Variants in COL22A1 observed in about 807,000 individuals in gnomAD.
The protein encoded by COL22A1 is collagen alpha-1(XXII) chain.
A neutral mutation model predicts 248.9 loss-of-function variants in COL22A1; 221 were observed. The ratio of observed to expected loss-of-function variants is 0.89; its 90% CI spans 0.80 to 0.99. The LOEUF is 0.99. Among genes scored for constraint, COL22A1 ranks in the 50% least tolerant of loss-of-function variants. The pLI is 0.00. For missense variants in COL22A1, 2,240 were observed against 2,179.0 expected, an observed-to-expected ratio of 1.03 and a Z score of -0.56; for synonymous variants, 891 against 793.4, an observed-to-expected ratio of 1.12 and a Z score of -2.07.
chr8:138,739,825 C>T (rs1249778772), intron 22 of COL22A1, among the ~76,000 whole-genome samples: 1 of 151,938 alleles, frequency 6.6e-6, no homozygotes, highest in Non-Finnish European at 1.5e-5. Flanking sequence ...AGTGAGTGAG[C>T]CTGGTTTAGA....
intron 30 of COL22A1, among the ~76,000 whole-genome samples, chr8:138,714,840 C>T (rs1376046055): frequency 6.6e-6 from 1 of 152,144 alleles, no homozygotes; most frequent in African/African-American, 2.4e-5. Flanking sequence ...GTCAACCACA[C>T]AAGCAATGAC....
Position 138,700,650 on chromosome 8 carries a change from C to A in COL22A1, c.2560-506G>T, listed in dbSNP as rs142373228. Among the ~76,000 whole-genome samples, 33 of 152,286 alleles carry A rather than the reference C, an allele frequency of 2.2e-4. No individual in the cohort carries two copies. In the East Asian group the frequency reaches 6.4e-3, roughly 29 times the overall value. On this transcript the variant is annotated intron_variant, in intron 31 of 64. Transcript: ENST00000303045. ...GCTACAAAGACTCTGGCGGACTGGC[C>A]CCTGCAGGCTCCTTCAGCCTGGCCA...
chr8:138,719,990 C>A (rs1829747293), intron 27 of COL22A1, among the ~76,000 whole-genome samples: 1 of 152,164 alleles, frequency 6.6e-6, no homozygotes, highest in Non-Finnish European at 1.5e-5. Flanking sequence ...TGCACACACA[C>A]AAATGCACAC....
At chr8:138,884,250 G>A (rs1469458553) in intron 1 of COL22A1, among the ~76,000 whole-genome samples, 2 of 152,202 alleles carry the variant, frequency 1.3e-5, no homozygotes, top group African/African-American at 2.4e-5. Flanking sequence ...CTCAGCAGGG[G>A]GCTGGGACTC....
At chr8:138,719,489 TTCC>T (rs2131122733) in intron 27 of COL22A1, among the ~76,000 whole-genome samples, 1 of 152,328 alleles carries the variant, frequency 6.6e-6, no homozygotes, top group African/African-American at 2.4e-5. Context: ...GCAATACTCT[TTCC>T]ACAGTTTGAG....
intron 46 of COL22A1, among the ~76,000 whole-genome samples, chr8:138,648,910 T>C (rs1008060918): frequency 2.6e-5 from 4 of 152,246 alleles, no homozygotes; most frequent in Non-Finnish European, 5.9e-5. Flanking sequence ...ATGGACTTTA[T>C]CTGCTTAGCT....
intron 50 of COL22A1, among the ~76,000 whole-genome samples, chr8:138,629,186 T>C (rs1288427757): frequency 6.6e-6 from 1 of 151,946 alleles, no homozygotes; most frequent in Non-Finnish European, 1.5e-5. Context: ...ATATGGAGTC[T>C]CACTCTGTCG....
chr8:138,689,529 A>T (rs1241853561), intron 36 of COL22A1, among the ~76,000 whole-genome samples: 1 of 152,154 alleles, frequency 6.6e-6, no homozygotes, highest in Non-Finnish European at 1.5e-5. Context: ...CAGCCTGGCC[A>T]ACATGGTGAA....
At chr8:138,632,875 C>T (rs1820845180) in intron 49 of COL22A1, among the ~76,000 whole-genome samples, 2 of 152,104 alleles carry the variant, frequency 1.3e-5, no homozygotes, top group East Asian at 3.8e-4. Context: ...GATTTTTCCA[C>T]ATAACTTTGA....
chr8:138,754,404 C>T (rs1222353777), intron 21 of COL22A1, among the ~76,000 whole-genome samples: 2 of 152,174 alleles, frequency 1.3e-5, no homozygotes, highest in Non-Finnish European at 2.9e-5. Context: ...TCTAGTTTTA[C>T]CCCAGCAAAA....
At chr8:138,774,633 A>G (rs1309573099) in intron 16 of COL22A1, among the ~76,000 whole-genome samples, 3 of 152,174 alleles carry the variant, frequency 2.0e-5, no homozygotes, top group Admixed American at 6.5e-5. Flanking sequence ...TTAAGCCAGG[A>G]TGGTCTCAAT....
chr8:138,826,641 G>A lies in COL22A1; in HGVS notation c.969+17C>T. The A allele has an allele frequency of 1.2e-6, 2 of 1,613,024 alleles. No homozygotes were observed. The highest frequency in any genetic ancestry group is 1.7e-6 in the Non-Finnish European group (2 of 1,179,224). On this transcript the variant is annotated intron_variant, in intron 6 of 64. Transcript: ENST00000303045. ...GAAAGCTCAGGACCACTGAGATAAGGCATCTGCTGCCCTTACCTGTGGGAT... is the reference window on the plus strand; with the variant it reads ...GAAAGCTCAGGACCACTGAGATAAGACATCTGCTGCCCTTACCTGTGGGAT...
chr8:138,619,332 T>C, intron 53 of COL22A1, 123 bp downstream of exon 53: 3 of 763,980 alleles, frequency 3.9e-6, no homozygotes, highest in Non-Finnish European at 6.7e-6. Flanking sequence ...CACAGCCGTC[T>C]GGAGGAGAAG....
rs75195679 is a variant in COL22A1 at position 138,722,172 on chromosome 8, T to C, written c.2248-83A>G. 5.4e-3 allele frequency: 6,727 copies of C among 1,247,658 alleles called. 236 individuals carry two copies. The African/African-American group carries it at 0.078, about 14-fold the overall frequency. 77.3% of individuals were successfully genotyped at this position (1,247,658 alleles called of 1,614,324 possible). A position where few individuals can be genotyped will look rare whatever the true frequency, so the allele number is the denominator to read the frequency against. On this transcript the variant is annotated intron_variant, in intron 25 of 64. Transcript: ENST00000303045. ...CATTAAGTTGTTTCAAACCAGGAGCTGTTTTTGCAGCCAGAATGCAGGAGG... is the reference window on the plus strand; with the variant it reads ...CATTAAGTTGTTTCAAACCAGGAGCCGTTTTTGCAGCCAGAATGCAGGAGG...
intron 3 of COL22A1, among the ~76,000 whole-genome samples, chr8:138,862,219 A>G (rs1237069216): frequency 6.6e-6 from 1 of 152,084 alleles, no homozygotes; most frequent in East Asian, 1.9e-4. Context: ...CTCTGTCTCA[A>G]AATGAAGAAA....
rs1818556033 is a variant in COL22A1 at position 138,607,964 on chromosome 8, G to A, written c.4004C>T (p.Pro1335Leu). Residue 1335 changes from proline to leucine, a missense_variant, in exon 57 of 65, where the codon CCA (proline) becomes CTA (leucine). Pro to Leu is a moderately conservative substitution (Grantham distance 98, BLOSUM62 -3). Coordinates refer to ENST00000303045, the MANE Select transcript of COL22A1 (RefSeq NM_152888.3). The stretch of plus-strand genomic sequence containing the variant: ...GGTTCCTGAAGGGCCAGGCTCTCCT[G>A]GAGATCCCGGTGATCCATTCTTGCC... ...PPGKNGSPGSPGEPGPSGTPG... is the reference protein window; with the variant it reads ...PPGKNGSPGSLGEPGPSGTPG... The A allele has an allele frequency of 3.7e-6, 6 of 1,614,062 alleles. No individual in the cohort carries two copies. The East Asian group carries it at 1.3e-4, about 36-fold the overall frequency.
chr8:138,905,576 G>T (rs1011076881), intron 1 of COL22A1, among the ~76,000 whole-genome samples: 3 of 152,100 alleles, frequency 2.0e-5, no homozygotes, highest in Non-Finnish European at 4.4e-5. Flanking sequence ...GCCCCTGGGG[G>T]ACACACTCCA....
chr8:138,734,465 CAAGGTAGA>C (rs1830955893), intron 23 of COL22A1, among the ~76,000 whole-genome samples: 1 of 152,152 alleles, frequency 6.6e-6, no homozygotes, highest in African/African-American at 2.4e-5. Context: ...CAGGCCCAGG[CAAGGTAGA>C]CACATGGATA....
intron 30 of COL22A1, among the ~76,000 whole-genome samples, chr8:138,713,275 A>C (rs1054442973): frequency 6.6e-6 from 1 of 152,084 alleles, no homozygotes; most frequent in African/African-American, 2.4e-5. Flanking sequence ...TGGAGTCAGC[A>C]TGTGGTCCCA....
Sources: gnomAD v4.1 joint callset for allele counts (sites outside exome capture counted in the v4.1 genomes callset) on GRCh38, gnomAD v4.1.1 for gene constraint, MANE v1.5 for transcripts, NCBI Gene and HGNC (gene_info 2026-07-23, HGNC 2026-07-21) for gene names.